Variants in IGF2BP3 observed in about 807,000 individuals in gnomAD.
IGF2BP3 encodes the protein insulin-like growth factor 2 mRNA-binding protein 3.
In IGF2BP3, 9 loss-of-function variants were observed where a neutral mutation model predicts 73.8. That is an observed-to-expected ratio of 0.12 (90% confidence interval 0.07 to 0.21). IGF2BP3 has a LOEUF of 0.21. Among genes scored for constraint, IGF2BP3 ranks in the 10% least tolerant of loss-of-function variants. The pLI, the probability that IGF2BP3 is intolerant of heterozygous loss-of-function variation, is 1.00. For missense variants in IGF2BP3, 542 were observed against 714.0 expected, an observed-to-expected ratio of 0.76 and a Z score of 2.75; for synonymous variants, 258 against 256.7, an observed-to-expected ratio of 1.01 and a Z score of -0.05.
At chr7:23,351,817 A>C (rs572374693) in intron 5 of IGF2BP3, among the ~76,000 whole-genome samples, 1 of 152,158 alleles carries the variant, frequency 6.6e-6, no homozygotes, top group Non-Finnish European at 1.5e-5. Flanking sequence ...GAAAAAGACC[A>C]CAAGTTTCCA....
chr7:23,371,413 A>G (rs976630619), intron 3 of IGF2BP3, among the ~76,000 whole-genome samples: 1 of 152,220 alleles, frequency 6.6e-6, no homozygotes, highest in Non-Finnish European at 1.5e-5. Context: ...TTTTACATCT[A>G]TTTGTGAGAA....
intron 10 of IGF2BP3, among the ~76,000 whole-genome samples, chr7:23,338,215 T>C (rs543475742): frequency 2.6e-5 from 4 of 152,190 alleles, no homozygotes; most frequent in Non-Finnish European, 5.9e-5. Flanking sequence ...CTTCAAAGCA[T>C]AGAACAAGGT....
intron 2 of IGF2BP3, among the ~76,000 whole-genome samples, chr7:23,428,050 C>T (rs754281806): frequency 1.3e-5 from 2 of 151,700 alleles, no homozygotes; most frequent in Non-Finnish European, 2.9e-5. Context: ...GTGGCACGCA[C>T]CTGTAATCCC....
At chr7:23,381,705 AT>A (rs1434662527) in intron 3 of IGF2BP3, among the ~76,000 whole-genome samples, 2 of 151,982 alleles carry the variant, frequency 1.3e-5, no homozygotes, top group African/African-American at 4.8e-5. Context: ...AGTAGCTGGA[AT>A]TACAGGCACG....
At chr7:23,454,897 T>G (rs1788280584) in intron 2 of IGF2BP3, among the ~76,000 whole-genome samples, 1 of 152,216 alleles carries the variant, frequency 6.6e-6, no homozygotes, top group Non-Finnish European at 1.5e-5. Flanking sequence ...ACAGCTAACC[T>G]TAAAAAAATT....
At chr7:23,366,010 C>CCACA in intron 3 of IGF2BP3, 1 of 151,888 alleles carries the variant, frequency 6.6e-6, no homozygotes, top group Non-Finnish European at 1.5e-5. Context: ...AGTTATAAAA[C>CCACA]CACACACACA....
At chr7:23,361,282 G>A in intron 5 of IGF2BP3, 1 of 340,486 alleles carries the variant, frequency 2.9e-6, no homozygotes, top group Non-Finnish European at 5.4e-6. Context: ...AATAGGGTGT[G>A]ATTCAGTTTC....
chr7:23,354,143 G>A (rs1045114355), intron 5 of IGF2BP3, among the ~76,000 whole-genome samples: 1 of 152,098 alleles, frequency 6.6e-6, no homozygotes, highest in Non-Finnish European at 1.5e-5. Flanking sequence ...ACAGGCGCAC[G>A]CCACCACCCT....
chr7:23,335,545 G>A (rs1241398686), intron 10 of IGF2BP3, among the ~76,000 whole-genome samples: 1 of 151,470 alleles, frequency 6.6e-6, no homozygotes, highest in Admixed American at 6.6e-5. Context: ...CCAAAGTGCT[G>A]GGATTACAGG....
Position 23,319,242 on chromosome 7 carries a change from C to T in IGF2BP3, c.1216G>A (p.Glu406Lys). The change falls in exon 11 of 15, where the codon GAG becomes AAG. Residue 406 changes from glutamate to lysine, a missense_variant. Glu to Lys is a moderately conservative substitution (Grantham distance 56). This residue lies in a region of IGF2BP3 where 303 missense variants were observed against 472.1 expected (regional missense o/e 0.64). Transcript: ENST00000258729. The stretch of plus-strand genomic sequence containing the variant: ...GCTGGGATAAACAGATGAACAGTCT[C>T]CGTTTCTGATTGCTGTTAGAAAAGA... ...PYPQFEQSETETVHLFIPALS... is the reference protein window; with the variant it reads ...PYPQFEQSETKTVHLFIPALS... 1 of 1,607,382 alleles carries T rather than the reference C, an allele frequency of 6.2e-7. No individual in the cohort carries two copies. Among genetic ancestry groups the T allele is most frequent in the Non-Finnish European group, 8.5e-7 (1 of 1,176,736 alleles).
At chr7:23,393,761 C>T (rs572691278) in intron 3 of IGF2BP3, among the ~76,000 whole-genome samples, 1 of 152,300 alleles carries the variant, frequency 6.6e-6, no homozygotes, top group South Asian at 2.1e-4. Context: ...TGCATGCCAA[C>T]TGCAAACAAC....
At chr7:23,358,812 A>G (rs1785156942) in intron 5 of IGF2BP3, among the ~76,000 whole-genome samples, 1 of 152,228 alleles carries the variant, frequency 6.6e-6, no homozygotes, top group African/African-American at 2.4e-5. Flanking sequence ...TAACTTTTAA[A>G]AATACCTCAT....
intron 3 of IGF2BP3, among the ~76,000 whole-genome samples, chr7:23,395,890 C>G (rs1786441205): frequency 6.6e-6 from 1 of 151,730 alleles, no homozygotes; most frequent in South Asian, 2.1e-4. Flanking sequence ...CACATCACTG[C>G]ACTCCAGCCT....
intron 10 of IGF2BP3, among the ~76,000 whole-genome samples, chr7:23,322,354 G>A (rs953766743): frequency 3.9e-5 from 6 of 152,210 alleles, no homozygotes; most frequent in Admixed American, 6.5e-5. Flanking sequence ...AATGAAGCAA[G>A]AAGGGAAGTT....
intron 2 of IGF2BP3, among the ~76,000 whole-genome samples, chr7:23,439,452 G>C (rs928798585): frequency 1.3e-4 from 20 of 151,098 alleles, no homozygotes; most frequent in Non-Finnish European, 1.6e-4. Context: ...CCAGCTACTT[G>C]GGAGGCTGAG....
At chr7:23,410,328 G>T (rs955520157) in intron 3 of IGF2BP3, among the ~76,000 whole-genome samples, 1 of 152,286 alleles carries the variant, frequency 6.6e-6, no homozygotes, top group Middle Eastern at 3.4e-3. Context: ...CTGCACTCCA[G>T]CCTGGGCGAT....
intron 2 of IGF2BP3, among the ~76,000 whole-genome samples, chr7:23,456,269 T>C (rs1788314975): frequency 6.6e-6 from 1 of 151,666 alleles, no homozygotes; most frequent in African/African-American, 2.4e-5. Context: ...TCAACCAGCA[T>C]TTTTTTTGTT....
At chr7:23,399,737 C>G (rs1397773861) in intron 3 of IGF2BP3, among the ~76,000 whole-genome samples, 4 of 152,208 alleles carry the variant, frequency 2.6e-5, no homozygotes, top group African/African-American at 9.7e-5. Flanking sequence ...TAATACACCT[C>G]TCCTCCACCT....
rs550786634 is a variant in IGF2BP3 at position 23,418,851 on chromosome 7, A to T, written c.237-27T>A. ...TGCAGAAGAATTAAAATGTTTTTTA[A>T]AAGAAAAAAACATAAAAGCAAAACA... On this transcript the variant is annotated intron_variant, in intron 2 of 14. Coordinates refer to ENST00000258729, the MANE Select transcript of IGF2BP3 (RefSeq NM_006547.3). The T allele has an allele frequency of 1.0e-5, 15 of 1,493,676 alleles. No individual in the cohort carries two copies. The South Asian group carries it at 1.9e-4, about 19-fold the overall frequency. 92.5% of individuals were successfully genotyped at this position (1,493,676 alleles called of 1,614,324 possible).
Sources: gnomAD v4.1 joint callset for allele counts (sites outside exome capture counted in the v4.1 genomes callset) on GRCh38, gnomAD v4.1.1 for gene constraint, gnomAD v4.1.1 regional missense constraint, MANE v1.5 for transcripts, NCBI Gene and HGNC (gene_info 2026-07-23, HGNC 2026-07-21) for gene names.